IL22RA1: variants seen among roughly 807,000 people sequenced by gnomAD.
IL22RA1 encodes the protein interleukin-22 receptor subunit alpha-1.
A neutral mutation model predicts 32.8 loss-of-function variants in IL22RA1; 25 were observed. The ratio of observed to expected loss-of-function variants is 0.76; its 90% CI spans 0.55 to 1.06. IL22RA1 has a LOEUF of 1.06. Among genes scored for constraint, IL22RA1 ranks in the 50% least tolerant of loss-of-function variants. The pLI, the probability that IL22RA1 is intolerant of heterozygous loss-of-function variation, is 0.00. For missense variants in IL22RA1, 709 were observed against 727.4 expected, an observed-to-expected ratio of 0.97 and a Z score of 0.29; for synonymous variants, 305 against 305.0, an observed-to-expected ratio of 1.00 and a Z score of 0.00.
At chr1:24,133,513 G>A (rs377615236) in intron 4 of IL22RA1, among the ~76,000 whole-genome samples, 10 of 152,122 alleles carry the variant, frequency 6.6e-5, no homozygotes, top group African/African-American at 1.7e-4. Context: ...TTCTGAATAC[G>A]AAAAGAAATA....
intron 4 of IL22RA1, among the ~76,000 whole-genome samples, chr1:24,133,832 T>A (rs1644222779): frequency 6.6e-6 from 1 of 152,210 alleles, no homozygotes; most frequent in Non-Finnish European, 1.5e-5. Context: ...GACGAGTTAA[T>A]GGGTGCAGCA....
At position 24,143,048 on chromosome 1, in the gene IL22RA1, G is replaced by T; in HGVS notation, c.35C>A (p.Ser12Tyr). The T allele has an allele frequency of 6.2e-7, 1 of 1,613,386 alleles. No homozygotes were observed. Among genetic ancestry groups the T allele is most frequent in the East Asian group, 2.2e-5 (1 of 44,872 alleles). ...GGTAGATGGGCACTCACCAGCCAGGGATCCCACAGTCAAGATGGTCAGCAG... is the reference window on the plus strand; with the variant it reads ...GGTAGATGGGCACTCACCAGCCAGGTATCCCACAGTCAAGATGGTCAGCAG... ...RTLLTILTVG[S>Y]LAAHAPEDPS... The change falls in exon 1 of 7, where the codon TCC becomes TAC. Residue 12 changes from serine (S) to tyrosine (Y), a missense_variant. Physicochemically the swap from Ser to Tyr is moderately radical, Grantham distance 144 (BLOSUM62 -2). Transcript: ENST00000270800.
intron 4 of IL22RA1, among the ~76,000 whole-genome samples, chr1:24,129,610 T>C (rs1644191425): frequency 1.3e-5 from 2 of 152,196 alleles, no homozygotes; most frequent in Admixed American, 6.5e-5. Context: ...TCCAGAAATC[T>C]TCCTTTAAAG....
At position 24,120,663 on chromosome 1, in the gene IL22RA1, T is replaced by G; in HGVS notation, c.*142A>C. The G allele has an allele frequency of 2.6e-6, 2 of 770,108 alleles. No individual in the cohort carries two copies. Among genetic ancestry groups the G allele is most frequent in the South Asian group, 3.9e-5 (2 of 50,676 alleles). 47.7% of individuals were successfully genotyped at this position (770,108 alleles called of 1,614,324 possible). On this transcript the variant is annotated 3_prime_UTR_variant, in exon 7 of 7. Transcript: ENST00000270800. ...GCGCACCCATGGCAGGGGCCCTGCA[T>G]GCCACTCCCTCTGCTTCTCTCAAGG...
At chr1:24,136,778 TGAG>T (rs1255070281) in intron 3 of IL22RA1, among the ~76,000 whole-genome samples, 7 of 152,260 alleles carry the variant, frequency 4.6e-5, no homozygotes, top group African/African-American at 1.7e-4. Context: ...ATTTATGTGT[TGAG>T]GAGATCTCTC....
intron 3 of IL22RA1, among the ~76,000 whole-genome samples, chr1:24,135,552 A>C (rs1557630506): frequency 6.6e-6 from 1 of 152,224 alleles, no homozygotes. Context: ...ATATTAGTCC[A>C]TTCTCACACT....
At chr1:24,140,755 G>A (rs1390709896) in intron 1 of IL22RA1, among the ~76,000 whole-genome samples, 1 of 152,246 alleles carries the variant, frequency 6.6e-6, no homozygotes, top group East Asian at 1.9e-4. Flanking sequence ...GCCCAAGCTG[G>A]CAGCTGGCTC....
Position 24,123,749 on chromosome 1 carries a change from A to G in IL22RA1, c.671-326T>C, listed in dbSNP as rs558968268. ...CTCTAGGTACTGTGCTGAAGTGGGGAGGTACAGGGAAAGCCCGCAGCGCAC... is the reference window on the plus strand; with the variant it reads ...CTCTAGGTACTGTGCTGAAGTGGGGGGGTACAGGGAAAGCCCGCAGCGCAC... On this transcript the variant is annotated intron_variant, in intron 5 of 6. Transcript: ENST00000270800. Among the ~76,000 whole-genome samples, 28 of 152,228 alleles carry G rather than the reference A, an allele frequency of 1.8e-4. No individual in the cohort carries two copies. In the East Asian group the frequency reaches 5.0e-3, roughly 27 times the overall value.
In IL22RA1 at chr1:24,143,073, G is replaced by A. The variant is rs1232854728; in HGVS notation, c.10C>T (p.Leu4=). 1.9e-6 allele frequency: 3 copies of A among 1,613,182 alleles called. No individual in the cohort carries two copies. Among genetic ancestry groups the A allele is most frequent in the African/African-American group, 1.3e-5 (1 of 74,918 alleles). The stretch of plus-strand genomic sequence containing the variant: ...GATCCCACAGTCAAGATGGTCAGCA[G>A]CGTCCTCATCGGGGCTGGCACAGAG... The part of the protein sequence containing the change: MRT[L]LTILTVGSLA... Residue 4 remains leucine, a synonymous_variant, in exon 1 of 7, where the codon CTG becomes TTG. Transcript: ENST00000270800.
chr1:24,121,386 T>G lies in IL22RA1; in HGVS notation c.1144A>C (p.Ile382Leu), dbSNP rs1489066137. The change falls in exon 7 of 7, where the codon ATC becomes CTC. Residue 382 changes from isoleucine to leucine, a missense_variant. Physicochemically the swap from Ile to Leu is conservative, Grantham distance 5. Coordinates refer to ENST00000270800, the MANE Select transcript of IL22RA1 (RefSeq NM_021258.4). ...AQFPFYAPQA[I>L]SKVQPSSYAP... ...TAGGAGGAAGGCTGGACCTTAGAGATGGCCTGTGGGGCGTAGAATGGGAAT... is the reference window on the plus strand; with the variant it reads ...TAGGAGGAAGGCTGGACCTTAGAGAGGGCCTGTGGGGCGTAGAATGGGAAT... The G allele has an allele frequency of 2.6e-6, 4 of 1,565,600 alleles. No individual in the cohort carries two copies. The African/African-American group carries it at 5.4e-5, about 21-fold the overall frequency.
At chr1:24,140,777 G>A (rs957892820) in intron 1 of IL22RA1, among the ~76,000 whole-genome samples, 7 of 152,276 alleles carry the variant, frequency 4.6e-5, no homozygotes, top group African/African-American at 1.7e-4. Flanking sequence ...GAGCTCGGAG[G>A]CCCTGGCCGG....
At chr1:24,140,136 C>T (rs1202845368) in intron 1 of IL22RA1, among the ~76,000 whole-genome samples, 1 of 152,248 alleles carries the variant, frequency 6.6e-6, no homozygotes, top group Non-Finnish European at 1.5e-5. Context: ...AGGCAAGTCC[C>T]TCCCTTCATT....
Position 24,137,222 on chromosome 1 carries a change from G to C in IL22RA1, c.264C>G (p.Leu88=). ...SCNLTVETGN[L]TELYYARVTA... Reference sequence around the variant, plus strand: ...TGACCCTGGCATAGTAGAGCTCCGTGAGGTTGCCCGTCTCCACCGTCAGGT... The same window carrying C: ...TGACCCTGGCATAGTAGAGCTCCGTCAGGTTGCCCGTCTCCACCGTCAGGT... The change falls in exon 3 of 7, where the codon CTC becomes CTG. Residue 88 remains leucine (L), a synonymous_variant. Coordinates refer to ENST00000270800, the MANE Select transcript of IL22RA1 (RefSeq NM_021258.4). 1.2e-6 allele frequency: 2 copies of C among 1,614,132 alleles called. No individual in the cohort carries two copies. The highest frequency in any genetic ancestry group is 1.7e-6 in the Non-Finnish European group (2 of 1,180,028).
rs1357910753 is a variant in IL22RA1 at position 24,121,552 on chromosome 1, G to A, written c.978C>T (p.Tyr326=). 2 of 1,606,216 alleles carry A rather than the reference G, an allele frequency of 1.2e-6. No homozygotes were observed. Among genetic ancestry groups the A allele is most frequent in the Non-Finnish European group, 1.7e-6 (2 of 1,175,054 alleles). Residue 326 remains tyrosine (Y), a synonymous_variant, in exon 7 of 7, where the codon TAC becomes TAT. Transcript: ENST00000270800. The part of the protein sequence containing the change: ...PQRHSLSEIT[Y]LGQPDISILQ... The stretch of plus-strand genomic sequence containing the variant: ...GGATGGAGATGTCTGGCTGCCCTAA[G>A]TAGGTGATCTCGGACAGGCTATGCC...
At position 24,121,372 on chromosome 1, in the gene IL22RA1, C is replaced by T. The variant is rs576708437; in HGVS notation, c.1158G>A (p.Gln386=). The T allele has an allele frequency of 3.2e-6, 5 of 1,576,556 alleles. No individual in the cohort carries two copies. In the South Asian group the frequency reaches 5.9e-5, roughly 19 times the overall value. Residue 386 remains glutamine, a synonymous_variant, in exon 7 of 7, where the codon CAG becomes CAA. Transcript: ENST00000270800. The part of the protein sequence containing the change: ...FYAPQAISKV[Q]PSSYAPQATP... ...TGGCTTGAGGGGCATAGGAGGAAGG[C>T]TGGACCTTAGAGATGGCCTGTGGGG...
chr1:24,138,638 C>A lies in IL22RA1; in HGVS notation c.120G>T (p.Thr40=). 1 of 1,614,144 alleles carries A rather than the reference C, an allele frequency of 6.2e-7. No individual in the cohort carries two copies. Among genetic ancestry groups the A allele is most frequent in the Non-Finnish European group, 8.5e-7 (1 of 1,180,014 alleles). ...FQSSNFENIL[T]WDSGPEGTPD... The stretch of plus-strand genomic sequence containing the variant: ...GGGTGCCCTCCGGCCCGCTGTCCCA[C>A]GTCAGGATGTTTTCAAAGTTGCTGG... Residue 40 remains threonine, a synonymous_variant, in exon 2 of 7, where the codon ACG becomes ACT. Coordinates refer to ENST00000270800, the MANE Select transcript of IL22RA1 (RefSeq NM_021258.4).
chr1:24,122,089 G>T (rs1644128004), intron 6 of IL22RA1, among the ~76,000 whole-genome samples: 1 of 152,174 alleles, frequency 6.6e-6, no homozygotes, highest in Non-Finnish European at 1.5e-5. Context: ...TTGGCCCACG[G>T]GTCCCTGAGG....
Position 24,137,130 on chromosome 1 carries a change from C to T in IL22RA1, c.355+1G>A. 2 of 1,607,624 alleles carry T rather than the reference C, an allele frequency of 1.2e-6. No homozygotes were observed. Among genetic ancestry groups the T allele is most frequent in the Non-Finnish European group, 1.7e-6 (2 of 1,174,944 alleles). On this transcript the variant is annotated splice_donor_variant, in intron 3 of 6. Coordinates refer to ENST00000270800, the MANE Select transcript of IL22RA1 (RefSeq NM_021258.4). LOFTEE classifies it high-confidence loss of function. ...TGAAACCCACAGGGGCTCCAACTCA[C>T]TGTGCTGCAGAGAGCTGAACCTGTC...
Position 24,135,169 on chromosome 1 carries a change from G to C in IL22RA1, c.356-783C>G, listed in dbSNP as rs540073933. Among the ~76,000 whole-genome samples the C allele has an allele frequency of 2.6e-5, 4 of 152,298 alleles. 1 individual carries two copies. The South Asian group carries it at 8.3e-4, about 32-fold the overall frequency. On this transcript the variant is annotated intron_variant, in intron 3 of 6. Transcript: ENST00000270800. ...TAAATTAGAGTATCTCCCTAGAATG[G>C]ATTATTTTGCACTGTGAAATATCTT...
Sources: gnomAD v4.1 joint callset for allele counts (sites outside exome capture counted in the v4.1 genomes callset) on GRCh38, gnomAD v4.1.1 for gene constraint, MANE v1.5 for transcripts, NCBI Gene and HGNC (gene_info 2026-07-23, HGNC 2026-07-21) for gene names.